The following BACC1 variants were observed in gnomAD, a reference collection of about 807,000 sequenced individuals.
BACC1 encodes BPTF associated chromatin complex component 1, also known as BPTF-associated chromatin complex component 1.
chr17:7,016,687 T>G, the BACC1 span: 1 of 1,609,496 alleles, frequency 6.2e-7, no homozygotes, highest in East Asian at 2.2e-5. Context: ...AGAAGGCTGG[T>G]GAGGGCTGTG....
At chr17:7,015,710 G>T in the BACC1 span, 1 of 1,502,814 alleles carries the variant, frequency 6.7e-7, no homozygotes, top group Non-Finnish European at 9.2e-7. Context: ...GGGATGCATA[G>T]CCTGTGGGCG....
chr17:7,017,178 T>A, the BACC1 span: 4 of 1,589,492 alleles, frequency 2.5e-6, no homozygotes, highest in Non-Finnish European at 3.5e-6. Context: ...CGTAGCAGGG[T>A]GTTTCAGGGA....
the BACC1 span, chr17:7,015,724 TC>T: frequency 1.3e-6 from 2 of 1,548,306 alleles, no homozygotes; most frequent in Non-Finnish European, 1.8e-6. Flanking sequence ...GTGGGCGGGC[TC>T]CACACCCCCC....
the BACC1 span, chr17:7,016,191 AC>A: frequency 1.9e-6 from 1 of 517,872 alleles, no homozygotes; most frequent in Non-Finnish European, 3.4e-6. Context: ...GGATATGGTG[AC>A]CCTGAACTAG....
At chr17:7,014,994 G>A in the BACC1 span, 13 of 1,418,376 alleles carry the variant, frequency 9.2e-6, no homozygotes, top group Non-Finnish European at 1.2e-5. The surrounding 1 kb of genome is among the most constrained non-coding windows in gnomAD (Gnocchi z 4.5). Flanking sequence ...GCCTGGGGTG[G>A]GGCTAGGGGC....
chr17:7,016,780 T>A, the BACC1 span: 1 of 1,529,410 alleles, frequency 6.5e-7, no homozygotes, highest in South Asian at 1.2e-5. Context: ...CAGTCTCTCT[T>A]CCTGTCCCTG....
chr17:7,017,341 T>C, the BACC1 span: 1 of 1,595,774 alleles, frequency 6.3e-7, no homozygotes. Context: ...CTCTGACCTC[T>C]CACTGTTCAT....
the BACC1 span, chr17:7,015,223 C>A: frequency 6.7e-7 from 1 of 1,490,374 alleles, no homozygotes; most frequent in Non-Finnish European, 8.9e-7. Flanking sequence ...CAGACACGGA[C>A]CCTCTCTAGC....
At chr17:7,015,165 G>T in the BACC1 span, 6 of 1,566,356 alleles carry the variant, frequency 3.8e-6, no homozygotes, top group South Asian at 3.5e-5. Context: ...GGGTACGTGA[G>T]CCCGGACTGG....
the BACC1 span, chr17:7,016,900 C>T: frequency 6.8e-6 from 11 of 1,610,288 alleles, no homozygotes; most frequent in East Asian, 2.2e-4. Context: ...AGCTTATGCC[C>T]CCTTCCCAGA....
chr17:7,014,820 G>T, the BACC1 span: 1 of 1,516,028 alleles, frequency 6.6e-7, no homozygotes. The surrounding 1 kb of genome is among the most constrained non-coding windows in gnomAD (Gnocchi z 4.5). Context: ...CGCGTGTAGC[G>T]GCGGCGGCGG....
At chr17:7,015,356 C>A in the BACC1 span, 9 of 1,370,804 alleles carry the variant, frequency 6.6e-6, no homozygotes, top group Non-Finnish European at 8.4e-6. Flanking sequence ...GCCCAGACTC[C>A]TGTTTCACAG....
At chr17:7,017,065 T>C in the BACC1 span, 1 of 1,566,864 alleles carries the variant, frequency 6.4e-7, no homozygotes, top group South Asian at 1.1e-5. Flanking sequence ...GAGAAAGGGC[T>C]CACCTGGATG....
At chr17:7,014,940 G>C in the BACC1 span, 1 of 1,485,968 alleles carries the variant, frequency 6.7e-7, no homozygotes, top group Non-Finnish European at 8.9e-7. This position sits in a 1 kb window ranked among gnomAD's most constrained non-coding sequence, Gnocchi z 4.5. Context: ...CCCCCACTTG[G>C]CTCGCGGCTC....
chr17:7,017,338 C>T, the BACC1 span: 8 of 1,598,828 alleles, frequency 5.0e-6, no homozygotes, highest in Non-Finnish European at 8.6e-7. Flanking sequence ...CACCTCTGAC[C>T]TCTCACTGTT....
chr17:7,015,402 C>T, the BACC1 span: 1 of 1,370,710 alleles, frequency 7.3e-7, no homozygotes, highest in South Asian at 1.8e-5. Context: ...CACAAACCAC[C>T]GCCACTCCCA....
chr17:7,016,941 T>C, the BACC1 span: 4 of 1,614,066 alleles, frequency 2.5e-6, no homozygotes, highest in Admixed American at 5.0e-5. Flanking sequence ...ACGACTCCGA[T>C]GCCAACAGTG....
chr17:7,017,046 G>A, the BACC1 span: 9 of 1,589,928 alleles, frequency 5.7e-6, no homozygotes, highest in African/African-American at 2.7e-5. Context: ...CACAGCTGAC[G>A]GGGTTGGGGA....
At chr17:7,017,147 G>A in the BACC1 span, 8 of 1,558,554 alleles carry the variant, frequency 5.1e-6, no homozygotes, top group Admixed American at 1.7e-5. Flanking sequence ...CTCATACACA[G>A]CGCAGGGCAT....
Sources: allele counts gnomAD v4.1 joint callset, GRCh38; gene constraint gnomAD v4.1.1; non-coding constraint Gnocchi (gnomAD v3.1); transcripts MANE v1.5; gene names NCBI Gene and HGNC (gene_info 2026-07-23, HGNC 2026-07-21).